The following ARHGAP15 variants were observed in gnomAD, a reference collection of about 807,000 sequenced individuals.
ARHGAP15 encodes the protein Rho GTPase activating protein 15.
A neutral mutation model predicts 63.7 loss-of-function variants in ARHGAP15; 51 were observed. The ratio of observed to expected loss-of-function variants is 0.80; its 90% CI spans 0.64 to 1.01. The LOEUF is 1.01. Ranked by LOEUF, ARHGAP15 falls within the 50% of genes least tolerant of loss-of-function variation. ARHGAP15 has a pLI of 0.00. For synonymous variants in ARHGAP15, 191 were observed against 193.8 expected (o/e 0.99, Z 0.12); for missense variants, 560 against 564.6 (o/e 0.99, Z 0.08).
chr2:143,673,001 AT>A (rs1458076323), intron 12 of ARHGAP15, among the ~76,000 whole-genome samples: 7 of 152,222 alleles, frequency 4.6e-5, no homozygotes, highest in Admixed American at 3.9e-4. Context: ...TGGACACAAT[AT>A]AAGAGGCATT....
intron 6 of ARHGAP15, among the ~76,000 whole-genome samples, chr2:143,390,103 G>C (rs1687472432): frequency 6.6e-6 from 1 of 150,876 alleles, no homozygotes; most frequent in Non-Finnish European, 1.5e-5. Context: ...TGTTTCACTA[G>C]AGCCTTTAAA....
chr2:143,134,374 C>A (rs1410574958), intron 1 of ARHGAP15, among the ~76,000 whole-genome samples: 1 of 152,170 alleles, frequency 6.6e-6, no homozygotes, highest in Non-Finnish European at 1.5e-5. Context: ...TGTTGCCAAG[C>A]TTTGCAGGTT....
chr2:143,587,039 T>A (rs1037671561), intron 11 of ARHGAP15, among the ~76,000 whole-genome samples: 2 of 152,160 alleles, frequency 1.3e-5, no homozygotes, highest in South Asian at 4.1e-4. Context: ...TCCTATGTGA[T>A]GATCCTGAGG....
chr2:143,287,310 G>T (rs1011994106), intron 6 of ARHGAP15, among the ~76,000 whole-genome samples: 4 of 152,026 alleles, frequency 2.6e-5, no homozygotes, highest in South Asian at 2.1e-4. Flanking sequence ...ATCTGTTCTC[G>T]TACTACTTAG....
intron 8 of ARHGAP15, among the ~76,000 whole-genome samples, chr2:143,454,348 C>T (rs1690548503): frequency 1.3e-5 from 2 of 151,924 alleles, no homozygotes; most frequent in Admixed American, 6.6e-5. Flanking sequence ...GCTAAGAAAA[C>T]AATTGGGATG....
chr2:143,299,035 A>T (rs1352810565), intron 6 of ARHGAP15, among the ~76,000 whole-genome samples: 1 of 151,918 alleles, frequency 6.6e-6, no homozygotes, highest in African/African-American at 2.4e-5. Flanking sequence ...ACAATGTCAT[A>T]TTGATTCATG....
At chr2:143,364,988 A>G (rs1296423107) in intron 6 of ARHGAP15, among the ~76,000 whole-genome samples, 1 of 152,110 alleles carries the variant, frequency 6.6e-6, no homozygotes, top group Admixed American at 6.6e-5. Flanking sequence ...CCTTGGCAAC[A>G]GAGCGAGACT....
intron 13 of ARHGAP15, among the ~76,000 whole-genome samples, chr2:143,714,052 A>T (rs1230418656): frequency 6.6e-6 from 1 of 151,668 alleles, no homozygotes; most frequent in African/African-American, 2.4e-5. Flanking sequence ...CTGTGTGGGG[A>T]CTCTGACCCC....
intron 9 of ARHGAP15, among the ~76,000 whole-genome samples, chr2:143,503,048 A>G (rs904387013): frequency 1.3e-5 from 2 of 152,252 alleles, no homozygotes; most frequent in African/African-American, 4.8e-5. Flanking sequence ...GCATGCTAGT[A>G]GTGGTCTAGG....
rs530438221 is a variant in ARHGAP15 at position 143,272,926 on chromosome 2, T to C, written c.474+22326T>C. On this transcript the variant is annotated intron_variant, in intron 6 of 13. Coordinates refer to ENST00000295095, the MANE Select transcript of ARHGAP15 (RefSeq NM_018460.4). ...TAAATTTAACTCTATATGATGGAAT[T>C]TTTTTTTATTTTTGGCATTGTCATC... Among the ~76,000 whole-genome samples, 244 of 151,102 alleles carry C rather than the reference T, an allele frequency of 1.6e-3. 1 individual carries two copies. Among genetic ancestry groups the C allele is most frequent in the African/African-American group, 5.1e-3 (206 of 40,566 alleles).
intron 13 of ARHGAP15, among the ~76,000 whole-genome samples, chr2:143,713,699 G>A (rs1364779039): frequency 9.7e-6 from 1 of 103,428 alleles, no homozygotes; most frequent in Non-Finnish European, 2.3e-5. Context: ...CATTCCAAGT[G>A]GGAGAAATCA....
At chr2:143,677,165 T>A (rs1394677352) in intron 12 of ARHGAP15, among the ~76,000 whole-genome samples, 2 of 152,232 alleles carry the variant, frequency 1.3e-5, no homozygotes, top group Non-Finnish European at 2.9e-5. Flanking sequence ...TGACCCAGAG[T>A]GCCAGTTAAT....
intron 12 of ARHGAP15, among the ~76,000 whole-genome samples, chr2:143,661,299 G>C (rs984259580): frequency 6.6e-6 from 1 of 152,184 alleles, no homozygotes; most frequent in Admixed American, 6.5e-5. Flanking sequence ...GATTAGGATA[G>C]GGCCATCATC....
chr2:143,383,632 A>G (rs1057030090), intron 6 of ARHGAP15, among the ~76,000 whole-genome samples: 1 of 152,202 alleles, frequency 6.6e-6, no homozygotes, highest in African/African-American at 2.4e-5. Flanking sequence ...TCAGTATGTT[A>G]ATTTGATTTA....
chr2:143,632,272 C>A (rs1433412193), intron 12 of ARHGAP15, among the ~76,000 whole-genome samples: 2 of 151,984 alleles, frequency 1.3e-5, no homozygotes, highest in Non-Finnish European at 2.9e-5. Flanking sequence ...GATTCCAATG[C>A]CATCACTTTT....
At chr2:143,386,491 A>G (rs1270908013) in intron 6 of ARHGAP15, among the ~76,000 whole-genome samples, 2 of 152,192 alleles carry the variant, frequency 1.3e-5, no homozygotes, top group Non-Finnish European at 2.9e-5. Context: ...CATGCTTGAG[A>G]AAGTAACATG....
At chr2:143,554,928 A>G (rs1393533080) in intron 10 of ARHGAP15, among the ~76,000 whole-genome samples, 1 of 152,152 alleles carries the variant, frequency 6.6e-6, no homozygotes, top group African/African-American at 2.4e-5. Context: ...ACTGGTGTCC[A>G]GCTTCACCCA....
intron 6 of ARHGAP15, among the ~76,000 whole-genome samples, chr2:143,263,935 T>G (rs1374819370): frequency 1.6e-5 from 2 of 127,558 alleles, no homozygotes; most frequent in South Asian, 5.3e-4. Flanking sequence ...TTTTTTTTTT[T>G]TTTTTTTTGT....
Position 143,553,849 on chromosome 2 carries a change from T to C in ARHGAP15, c.926-2559T>C, listed in dbSNP as rs1273309476. Among the ~76,000 whole-genome samples the C allele has an allele frequency of 2.6e-5, 4 of 152,202 alleles. No homozygotes were observed. The East Asian group carries it at 7.7e-4, about 29-fold the overall frequency. ...AAAAACCAGTTTACAATTCTATGCA[T>C]TTCAATAGCATATAGAATAATATTT... is the stretch of plus-strand genomic sequence containing the variant. On this transcript the variant is annotated intron_variant, in intron 10 of 13. Coordinates refer to ENST00000295095, the MANE Select transcript of ARHGAP15 (RefSeq NM_018460.4).
Sources: allele counts gnomAD v4.1 joint callset (sites outside exome capture counted in the v4.1 genomes callset), GRCh38; gene constraint gnomAD v4.1.1; transcripts MANE v1.5; gene names NCBI Gene and HGNC (gene_info 2026-07-23, HGNC 2026-07-21).